The following ARHGAP42 variants were observed in gnomAD, a reference collection of about 807,000 sequenced individuals.
ARHGAP42 encodes the protein rho GTPase-activating protein 42.
In ARHGAP42, 63 loss-of-function variants were observed where a neutral mutation model predicts 125.0. The ratio of observed to expected loss-of-function variants is 0.50; its 90% CI spans 0.41 to 0.62. ARHGAP42 has a LOEUF of 0.62. Among genes scored for constraint, ARHGAP42 ranks in the 20% least tolerant of loss-of-function variants. The pLI, the probability that ARHGAP42 is intolerant of heterozygous loss-of-function variation, is 0.00. For missense variants in ARHGAP42, 766 were observed against 1,024.2 expected, an observed-to-expected ratio of 0.75 and a Z score of 3.44; for synonymous variants, 339 against 351.0, an observed-to-expected ratio of 0.97 and a Z score of 0.38.
At chr11:100,978,294 A>G (rs1457180829) in intron 21 of ARHGAP42, among the ~76,000 whole-genome samples, 2 of 152,182 alleles carry the variant, frequency 1.3e-5, no homozygotes, top group East Asian at 1.9e-4. Context: ...AGAGTTTGTC[A>G]ATTAAAGAAA....
intron 2 of ARHGAP42, among the ~76,000 whole-genome samples, chr11:100,792,642 A>G (rs1053603671): frequency 2.6e-5 from 4 of 152,022 alleles, no homozygotes; most frequent in Admixed American, 2.0e-4. Context: ...TTCATGTTAT[A>G]TTGTAGTGAC....
intron 22 of ARHGAP42, chr11:100,986,167 A>G: frequency 2.2e-6 from 1 of 452,308 alleles, no homozygotes; most frequent in Non-Finnish European, 4.4e-6. Context: ...CAGCAATAAT[A>G]ACAAAATACC....
At chr11:100,692,688 T>G (rs888049568) in intron 1 of ARHGAP42, among the ~76,000 whole-genome samples, 1 of 152,212 alleles carries the variant, frequency 6.6e-6, no homozygotes, top group African/African-American at 2.4e-5. Context: ...ATGTGGACAA[T>G]GCAGTCAGTT....
rs542337226 is a variant in ARHGAP42 at position 100,710,610 on chromosome 11, G to T, written c.154+22778G>T. 1.1e-4 allele frequency among the ~76,000 whole-genome samples: 16 copies of T among 145,936 alleles called. No individual in the cohort carries two copies. In the South Asian group the frequency reaches 3.4e-3, roughly 31 times the overall value. On this transcript the variant is annotated intron_variant, in intron 1 of 23. Coordinates refer to ENST00000298815, the MANE Select transcript of ARHGAP42 (RefSeq NM_152432.4). ...CTGGGGTGCAAATGGCACGATCTCGGCTCACTGCAACCTCTGCCTCCCGGG... is the reference window on the plus strand; with the variant it reads ...CTGGGGTGCAAATGGCACGATCTCGTCTCACTGCAACCTCTGCCTCCCGGG...
rs1362485525 is a variant in ARHGAP42, at chr11:100,992,092, TC to T, written c.*3292del. Reference sequence around the variant, plus strand: ...CTTCTGGTCTGTGTTGAAAAGGGTATCATTCATGTGGTTTCAGTTTAGAAGA... The same window carrying T: ...CTTCTGGTCTGTGTTGAAAAGGGTATATTCATGTGGTTTCAGTTTAGAAGA... On this transcript the variant is annotated 3_prime_UTR_variant, in exon 24 of 24. Coordinates refer to ENST00000298815, the MANE Select transcript of ARHGAP42 (RefSeq NM_152432.4). 3.7e-6 allele frequency: 2 copies of T among 542,726 alleles called. No homozygotes were observed. The highest frequency in any genetic ancestry group is 6.4e-6 in the Non-Finnish European group (2 of 311,088). The allele number at this position is 542,726 out of a possible 1,614,324, so 33.6% of individuals were successfully genotyped here. A position where few individuals can be genotyped will look rare whatever the true frequency, so the allele number is the denominator to read the frequency against.
chr11:100,893,440 A>T (rs1029492499), intron 4 of ARHGAP42, among the ~76,000 whole-genome samples: 11 of 152,092 alleles, frequency 7.2e-5, no homozygotes. Context: ...TTAAGTTAGG[A>T]TAAAATTTTT....
chr11:100,869,231 A>G (rs1865643748), intron 4 of ARHGAP42, among the ~76,000 whole-genome samples: 1 of 152,146 alleles, frequency 6.6e-6, no homozygotes. Context: ...TAGCACTCTT[A>G]TAAAGTAGAA....
intron 3 of ARHGAP42, among the ~76,000 whole-genome samples, chr11:100,820,313 G>C (rs940282175): frequency 6.6e-6 from 1 of 152,030 alleles, no homozygotes; most frequent in Non-Finnish European, 1.5e-5. Context: ...ACCATATAAT[G>C]TTCTTAGGGT....
At chr11:100,722,248 G>T (rs984028044) in intron 1 of ARHGAP42, among the ~76,000 whole-genome samples, 2 of 151,942 alleles carry the variant, frequency 1.3e-5, no homozygotes, top group Non-Finnish European at 2.9e-5. Context: ...GTATTCTTTG[G>T]TGAGTTGTCT....
chr11:100,903,731 T>A (rs1370154317), intron 4 of ARHGAP42, among the ~76,000 whole-genome samples: 1,834 of 102,140 alleles, frequency 0.018, 127 homozygotes, highest in South Asian at 0.047. Flanking sequence ...TATATATATA[T>A]ATATATATAT....
chr11:100,958,830 C>T (rs775180486), intron 12 of ARHGAP42, among the ~76,000 whole-genome samples: 1 of 152,010 alleles, frequency 6.6e-6, no homozygotes, highest in Non-Finnish European at 1.5e-5. Context: ...AGATTTTTCA[C>T]GCCTTTCTGT....
At chr11:100,858,089 GTGTGTGTGT>G (rs1481622615) in intron 3 of ARHGAP42, among the ~76,000 whole-genome samples, 2 of 105,070 alleles carry the variant, frequency 1.9e-5, no homozygotes, top group African/African-American at 7.0e-5. Flanking sequence ...GGATAGGGGT[GTGTGTGTGT>G]GTGTGTGTGT....
chr11:100,884,695 C>T (rs964729441), intron 4 of ARHGAP42, among the ~76,000 whole-genome samples: 1 of 152,144 alleles, frequency 6.6e-6, no homozygotes, highest in African/African-American at 2.4e-5. Context: ...AACCCCGTCC[C>T]ACTACCCTGC....
chr11:100,932,488 A>T (rs1867613307), intron 6 of ARHGAP42, among the ~76,000 whole-genome samples: 1 of 152,140 alleles, frequency 6.6e-6, no homozygotes, highest in African/African-American at 2.4e-5. Flanking sequence ...TAATTTATGG[A>T]TAAAAACATA....
At chr11:100,947,141 T>C (rs1166524792) in intron 10 of ARHGAP42, among the ~76,000 whole-genome samples, 2 of 152,056 alleles carry the variant, frequency 1.3e-5, no homozygotes, top group Admixed American at 1.3e-4. Flanking sequence ...TTAACCTCTT[T>C]TTGAATATTT....
At chr11:100,885,237 G>C (rs575271987) in intron 4 of ARHGAP42, among the ~76,000 whole-genome samples, 5 of 152,310 alleles carry the variant, frequency 3.3e-5, no homozygotes, top group Non-Finnish European at 5.9e-5. Flanking sequence ...GGGACAAATT[G>C]AGTTAAACAG....
At chr11:100,988,624 C>A in intron 23 of ARHGAP42, 89 bp from the exon 24 acceptor site, 3 of 1,067,868 alleles carry the variant, frequency 2.8e-6, no homozygotes, top group Non-Finnish European at 4.1e-6. Flanking sequence ...TGAGGACTGA[C>A]AATCCGATGT....
chr11:100,729,930 C>A (rs899712334), intron 1 of ARHGAP42, among the ~76,000 whole-genome samples: 1 of 151,694 alleles, frequency 6.6e-6, no homozygotes, highest in Non-Finnish European at 1.5e-5. Context: ...CCTGCCTCAG[C>A]CTCCCGAGTT....
chr11:100,770,144 T>C (rs1354486729), intron 1 of ARHGAP42, among the ~76,000 whole-genome samples, 199 bp from the exon 2 acceptor site: 1 of 152,172 alleles, frequency 6.6e-6, no homozygotes, highest in Non-Finnish European at 1.5e-5. Flanking sequence ...CCATTTTCAG[T>C]ATTTATAGTG....
Sources: allele counts gnomAD v4.1 joint callset (sites outside exome capture counted in the v4.1 genomes callset), GRCh38; gene constraint gnomAD v4.1.1; transcripts MANE v1.5; gene names NCBI Gene and HGNC (gene_info 2026-07-23, HGNC 2026-07-21).